SUCLA2: variants seen among roughly 807,000 people sequenced by gnomAD.
SUCLA2 encodes the protein succinate-CoA ligase ADP-forming subunit beta, also known as succinate--CoA ligase [ADP-forming] subunit beta, mitochondrial.
In SUCLA2, 30 loss-of-function variants were observed where a neutral mutation model predicts 54.8. That is an observed-to-expected ratio of 0.55 (90% CI 0.41 to 0.74). The LOEUF (loss-of-function observed/expected upper bound fraction) is 0.74. Ranked by LOEUF, SUCLA2 falls within the 30% of genes least tolerant of loss-of-function variation. SUCLA2 has a pLI of 0.00. For missense variants in SUCLA2, 476 were observed against 562.9 expected (o/e 0.85, Z 1.56); for synonymous variants, 172 against 188.9 (o/e 0.91, Z 0.74).
intron 4 of SUCLA2, among the ~76,000 whole-genome samples, chr13:47,977,056 T>C (rs1593493635): frequency 6.8e-6 from 1 of 146,742 alleles, no homozygotes; most frequent in Non-Finnish European, 1.5e-5. Context: ...GTGAATAAAA[T>C]TGACAACCCT....
chr13:47,949,802 T>G (rs1244656105), intron 8 of SUCLA2, among the ~76,000 whole-genome samples, 199 bp from the exon 9 acceptor site: 1 of 152,210 alleles, frequency 6.6e-6, no homozygotes, highest in African/African-American at 2.4e-5. Context: ...TCCATCTCCT[T>G]GGGTAATTTC....
At chr13:47,997,113 G>A in intron 1 of SUCLA2, 90 bp from the exon 2 acceptor site, 3 of 1,339,196 alleles carry the variant, frequency 2.2e-6, no homozygotes, top group South Asian at 2.4e-5. Context: ...TAACAAAACT[G>A]TTACATTACA....
chr13:47,954,505 T>C lies in SUCLA2; in HGVS notation c.855A>G (p.Gln285=). The change falls in exon 7 of 11, where the codon CAA becomes CAG. Residue 285 remains glutamine, a synonymous_variant. Coordinates refer to ENST00000646932, the MANE Select transcript of SUCLA2 (RefSeq NM_003850.3). ...AGTCCTGTAGATCAAAGATTTTCTT[T>C]TGGCGATAGGCTGAATTAGAGTCAA... The part of the protein sequence containing the change: ...INFDSNSAYR[Q]KKIFDLQDWT... 6.2e-7 allele frequency: 1 copy of C among 1,613,920 alleles called. No individual in the cohort carries two copies. The highest frequency in any genetic ancestry group is 1.1e-5 in the South Asian group (1 of 91,074).
chr13:47,956,235 G>C (rs979421562), intron 6 of SUCLA2, among the ~76,000 whole-genome samples: 5 of 151,914 alleles, frequency 3.3e-5, no homozygotes, highest in Admixed American at 6.6e-5. Flanking sequence ...TAAAACAAGG[G>C]AACAACATGG....
At position 47,954,128 on chromosome 13, in the gene SUCLA2, C is replaced by T. The variant is rs752235971; in HGVS notation, c.1107+12G>A. ...TTACATGATATAAAAATATATCAAGCCCTGCCCTTACCTTTTTATCTGAAG... is the reference window on the plus strand; with the variant it reads ...TTACATGATATAAAAATATATCAAGTCCTGCCCTTACCTTTTTATCTGAAG... On this transcript the variant is annotated intron_variant, in intron 8 of 10. Transcript: ENST00000646932. 6.2e-7 allele frequency: 1 copy of T among 1,611,072 alleles called. No individual in the cohort carries two copies. The highest frequency in any genetic ancestry group is 1.1e-5 in the South Asian group (1 of 90,764).
At chr13:47,976,184 G>A (rs9670286) in intron 4 of SUCLA2, among the ~76,000 whole-genome samples, 4,485 of 152,236 alleles carry the variant, frequency 0.029, 240 homozygotes, top group African/African-American at 0.1. Flanking sequence ...AAAATAGGAA[G>A]CCCAAGACCT....
At chr13:47,968,421 G>A (rs1949936062) in intron 6 of SUCLA2, among the ~76,000 whole-genome samples, 174 bp downstream of exon 6, 1 of 152,012 alleles carries the variant, frequency 6.6e-6, no homozygotes, top group Non-Finnish European at 1.5e-5. Context: ...GTCTAATAGT[G>A]TTTTGTTTTA....
At chr13:47,981,217 C>T (rs1360964700) in intron 4 of SUCLA2, among the ~76,000 whole-genome samples, 2 of 151,708 alleles carry the variant, frequency 1.3e-5, no homozygotes, top group Non-Finnish European at 2.9e-5. Context: ...AGCTGAAATT[C>T]GGAATATGTA....
chr13:47,988,786 AT>A (rs1950126370), intron 3 of SUCLA2, 83 bp from the exon 4 acceptor site: 8 of 1,591,820 alleles, frequency 5.0e-6, no homozygotes, highest in Non-Finnish European at 6.9e-6. Context: ...ATTTTATCTC[AT>A]CTAATATTTA....
At chr13:47,991,025 C>G (rs187717350) in intron 2 of SUCLA2, among the ~76,000 whole-genome samples, 1 of 152,286 alleles carries the variant, frequency 6.6e-6, no homozygotes, top group East Asian at 1.9e-4. Flanking sequence ...CATACTGGTT[C>G]TATCTTCAAA....
intron 10 of SUCLA2, among the ~76,000 whole-genome samples, chr13:47,948,066 G>GT (rs764935685): frequency 1.3e-5 from 2 of 152,024 alleles, no homozygotes; most frequent in Non-Finnish European, 2.9e-5. Flanking sequence ...CCTAAAACAA[G>GT]TAACAGTAAT....
At chr13:47,979,608 C>T (rs561051569) in intron 4 of SUCLA2, among the ~76,000 whole-genome samples, 28 of 152,180 alleles carry the variant, frequency 1.8e-4, no homozygotes, top group African/African-American at 6.3e-4. Context: ...GCACATTCTG[C>T]ACATGTATCC....
At position 47,943,284 on chromosome 13, in the gene SUCLA2, A is replaced by T; in HGVS notation, c.*87T>A. 7.3e-7 allele frequency: 1 copy of T among 1,374,024 alleles called. No individual in the cohort carries two copies. Among genetic ancestry groups the T allele is most frequent in the East Asian group, 2.3e-5 (1 of 43,590 alleles). 85.1% of individuals were successfully genotyped at this position (1,374,024 alleles called of 1,614,324 possible). A position where few individuals can be genotyped will look rare whatever the true frequency, so the allele number is the denominator to read the frequency against. ...TGGCAATTACAATCTCCACACACTA[A>T]AAAGAAAAAGAACAATAACACAGAA... is the stretch of plus-strand genomic sequence containing the variant. On this transcript the variant is annotated 3_prime_UTR_variant, in exon 11 of 11. Coordinates refer to ENST00000646932, the MANE Select transcript of SUCLA2 (RefSeq NM_003850.3).
chr13:47,972,772 G>A (rs9670566), intron 5 of SUCLA2, among the ~76,000 whole-genome samples: 95,413 of 128,200 alleles, frequency 0.74, 36,003 homozygotes, highest in Non-Finnish European at 0.82. Flanking sequence ...TTTTTGAGAT[G>A]AGTCTCACTC....
chr13:47,943,384 T>C lies in SUCLA2; in HGVS notation c.1379A>G (p.Gln460Arg), dbSNP rs752573110. 1.9e-6 allele frequency: 3 copies of C among 1,613,876 alleles called. No homozygotes were observed. The highest frequency in any genetic ancestry group is 2.5e-6 in the Non-Finnish European group (3 of 1,179,838). ...TGGGTTTTCAGATCATATTGGCAAC[T>C]GAAATTTCACATCCACATGTGCTTG... ...AKQAHVDVKF[Q>R]LPI The change falls in exon 11 of 11, where the codon CAG (glutamine) becomes CGG (arginine). Residue 460 changes from glutamine to arginine, a missense_variant. Coordinates refer to ENST00000646932, the MANE Select transcript of SUCLA2 (RefSeq NM_003850.3).
intron 4 of SUCLA2, among the ~76,000 whole-genome samples, chr13:47,980,498 T>C (rs908855092): frequency 3.9e-5 from 6 of 152,172 alleles, no homozygotes; most frequent in African/African-American, 1.4e-4. Flanking sequence ...GAAGACTTAA[T>C]ATTGTTAAAC....
At chr13:47,977,177 CA>C (rs1381634728) in intron 4 of SUCLA2, among the ~76,000 whole-genome samples, 1 of 152,050 alleles carries the variant, frequency 6.6e-6, no homozygotes, top group East Asian at 1.9e-4. Context: ...TATGTATCAA[CA>C]AATTGAATAA....
In SUCLA2 at chr13:47,963,381, C is replaced by T. The variant is rs140472075; in HGVS notation, c.802+5214G>A. Among the ~76,000 whole-genome samples the T allele has an allele frequency of 2.7e-3, 416 of 152,282 alleles. 3 individuals carry two copies. The highest frequency in any genetic ancestry group is 1.3e-3 in the Non-Finnish European group (88 of 68,014). On this transcript the variant is annotated intron_variant, in intron 6 of 10. Transcript: ENST00000646932. ...ATAGAAGGCCAGGTGCAGTGGCTCA[C>T]GCCTGTAATCCCAGCACTTTGGGAG...
At chr13:47,992,734 A>G (rs1950159571) in intron 2 of SUCLA2, among the ~76,000 whole-genome samples, 1 of 152,242 alleles carries the variant, frequency 6.6e-6, no homozygotes, top group Admixed American at 6.5e-5. Context: ...CATTCCTTGT[A>G]TACAGGTATC....
Sources: allele counts gnomAD v4.1 joint callset (sites outside exome capture counted in the v4.1 genomes callset), GRCh38; gene constraint gnomAD v4.1.1; transcripts MANE v1.5; gene names NCBI Gene and HGNC (gene_info 2026-07-23, HGNC 2026-07-21).